The following PPM1A variants were observed in gnomAD, a reference collection of about 807,000 sequenced individuals.
The protein encoded by PPM1A is protein phosphatase 1A.
A neutral mutation model predicts 35.0 loss-of-function variants in PPM1A; 7 were observed. The ratio of observed to expected loss-of-function variants is 0.20; its 90% CI spans 0.11 to 0.38. The LOEUF (loss-of-function observed/expected upper bound fraction) is 0.38, where lower values mean the gene tolerates loss of function less well. PPM1A is among the 10% of genes least tolerant of loss of function. PPM1A has a pLI of 1.00. For missense variants in PPM1A, 239 were observed against 467.8 expected (o/e 0.51, Z 4.51); for synonymous variants, 153 against 167.3 (o/e 0.91, Z 0.66).
chr14:60,276,911 G>A (rs2139488912), intron 1 of PPM1A: 1 of 373,900 alleles, frequency 2.7e-6, no homozygotes, highest in African/African-American at 2.2e-5. Context: ...GAATTTTTCA[G>A]TTTAGGGATT....
chr14:60,267,499 T>C (rs1884529448), intron 1 of PPM1A, among the ~76,000 whole-genome samples: 1 of 152,124 alleles, frequency 6.6e-6, no homozygotes, highest in African/African-American at 2.4e-5. Flanking sequence ...TTAATAAGTA[T>C]GTTTGGACTA....
rs1882097704 is a variant in PPM1A, at chr14:60,249,711, C to T, written c.-21+34C>T. 2 of 981,184 alleles carry T rather than the reference C, an allele frequency of 2.0e-6. No individual in the cohort carries two copies. The highest frequency in any genetic ancestry group is 9.1e-5 in the South Asian group (2 of 21,926). The allele number at this position is 981,184 out of a possible 1,614,324, so 60.8% of individuals were successfully genotyped here. A position where few individuals can be genotyped will look rare whatever the true frequency, so the allele number is the denominator to read the frequency against. On this transcript the variant is annotated intron_variant, in intron 1 of 5. Transcript: ENST00000395076. The surrounding 1 kb of genome is among the most constrained non-coding windows in gnomAD (Gnocchi z 4.5). ...GGCGCTCGGGCCGACGGCGGGCTGG[C>T]GGGCGGTGCGGGCCTGCGCGGCGGC...
At chr14:60,270,700 AT>A (rs1884976186) in intron 1 of PPM1A, among the ~76,000 whole-genome samples, 1 of 120,666 alleles carries the variant, frequency 8.3e-6, no homozygotes, top group Non-Finnish European at 1.7e-5. Flanking sequence ...GTCTTTCTTG[AT>A]TTTTCTCGAT....
chr14:60,256,500 A>G (rs190729792), intron 1 of PPM1A, among the ~76,000 whole-genome samples: 88 of 152,354 alleles, frequency 5.8e-4, no homozygotes, highest in South Asian at 2.1e-4. Flanking sequence ...ATAATTTCAT[A>G]TAGTCAGTCA....
At chr14:60,288,152 A>T (rs1181365390) in intron 3 of PPM1A, 2 of 985,196 alleles carry the variant, frequency 2.0e-6, no homozygotes, top group Non-Finnish European at 2.4e-6. Flanking sequence ...CACGTGGAAC[A>T]GGAGATATTA....
chr14:60,263,338 C>T (rs927802351), intron 1 of PPM1A, among the ~76,000 whole-genome samples: 1 of 152,100 alleles, frequency 6.6e-6, no homozygotes, highest in Non-Finnish European at 1.5e-5. Flanking sequence ...TTTTTATCTT[C>T]CCCTTTCCCT....
At chr14:60,267,489 TTAA>T (rs1233886278) in intron 1 of PPM1A, among the ~76,000 whole-genome samples, 1 of 152,124 alleles carries the variant, frequency 6.6e-6, no homozygotes, top group Non-Finnish European at 1.5e-5. Context: ...GGCATCTGTA[TTAA>T]TAAGTATGTT....
At chr14:60,254,806 T>A (rs956225382) in intron 1 of PPM1A, among the ~76,000 whole-genome samples, 1 of 152,230 alleles carries the variant, frequency 6.6e-6, no homozygotes, top group Non-Finnish European at 1.5e-5. Flanking sequence ...TTTTTCATTA[T>A]ATCATTTCTC....
intron 1 of PPM1A, among the ~76,000 whole-genome samples, chr14:60,275,350 C>A (rs1164858954): frequency 6.6e-6 from 1 of 151,888 alleles, no homozygotes; most frequent in Non-Finnish European, 1.5e-5. Context: ...AGCTTTGTAA[C>A]CTTGGGCAAG....
intron 1 of PPM1A, among the ~76,000 whole-genome samples, chr14:60,258,534 T>C: frequency 6.6e-6 from 1 of 152,148 alleles, no homozygotes; most frequent in East Asian, 1.9e-4. Flanking sequence ...TGATAAACTT[T>C]TTAAAGTCAT....
intron 1 of PPM1A, among the ~76,000 whole-genome samples, chr14:60,263,759 A>G (rs1884047366): frequency 6.6e-6 from 1 of 152,072 alleles, no homozygotes; most frequent in Non-Finnish European, 1.5e-5. Context: ...TTAGTTTTCA[A>G]AAAATACCTT....
At chr14:60,265,362 C>T (rs1884252565) in intron 1 of PPM1A, among the ~76,000 whole-genome samples, 1 of 152,172 alleles carries the variant, frequency 6.6e-6, no homozygotes, top group Non-Finnish European at 1.5e-5. Context: ...CCCAGCCATG[C>T]ATGGGTACCT....
rs890742671 is a variant in PPM1A at position 60,292,094 on chromosome 14, T to C, written c.1120-359T>C. ...TTATGAAGCTTCCTCACATATTGAG[T>C]TCTTAATCTTTTCTGATGCATTAAA... On this transcript the variant is annotated intron_variant, in intron 5 of 5. Transcript: ENST00000395076. The surrounding 1 kb of genome is among the most constrained non-coding windows in gnomAD (Gnocchi z 4.2). Among the ~76,000 whole-genome samples, 5 of 152,110 alleles carry C rather than the reference T, an allele frequency of 3.3e-5. No individual in the cohort carries two copies. Among genetic ancestry groups the C allele is most frequent in the African/African-American group, 1.2e-4 (5 of 41,432 alleles).
chr14:60,260,781 C>G (rs1883661083), intron 1 of PPM1A, among the ~76,000 whole-genome samples: 1 of 152,062 alleles, frequency 6.6e-6, no homozygotes, highest in Non-Finnish European at 1.5e-5. Context: ...ATACAGGTAA[C>G]TTTTTATTAG....
chr14:60,266,449 T>A (rs905417491), intron 1 of PPM1A, among the ~76,000 whole-genome samples: 5 of 152,208 alleles, frequency 3.3e-5, no homozygotes, highest in Middle Eastern at 3.2e-3. Flanking sequence ...TACCATAAGA[T>A]TACAGAAATA....
upstream of PPM1A, chr14:60,245,789 A>G: frequency 6.9e-7 from 1 of 1,450,522 alleles, no homozygotes; most frequent in Non-Finnish European, 9.2e-7. The surrounding 1 kb of genome is among the most constrained non-coding windows in gnomAD (Gnocchi z 4.2). Context: ...AAGGAGGGCC[A>G]GGGTAGGGGG....
At chr14:60,288,401 T>TTA in intron 3 of PPM1A, 1 of 984,426 alleles carries the variant, frequency 1.0e-6, no homozygotes, top group South Asian at 4.7e-5. Flanking sequence ...GGAGACTGTA[T>TTA]GTTAAGTGTA....
Position 60,255,613 on chromosome 14 carries a change from G to GTT in PPM1A, c.-21+5937_-21+5938insTT, listed in dbSNP as rs574808791. ...TGGATAGTAGACATTCAGATATTTG[G>GTT]TAAGTATTAAGCAAAATCTACCTGG... On this transcript the variant is annotated intron_variant, in intron 1 of 5. Coordinates refer to ENST00000395076, the MANE Select transcript of PPM1A (RefSeq NM_021003.5). Among the ~76,000 whole-genome samples the GTT allele has an allele frequency of 1.6e-4, 25 of 152,340 alleles. No homozygotes were observed. In the East Asian group the frequency reaches 4.2e-3, roughly 26 times the overall value.
rs541057702 is a variant in PPM1A at position 60,297,882 on chromosome 14, G to A, written c.*5400G>A. The A allele has an allele frequency of 6.6e-6, 1 of 151,594 alleles. No individual in the cohort carries two copies. The highest frequency in any genetic ancestry group is 2.1e-4 in the South Asian group (1 of 4,802). The allele number at this position is 151,594 out of a possible 1,614,324, so 9.4% of individuals were successfully genotyped here. A position where few individuals can be genotyped will look rare whatever the true frequency, so the allele number is the denominator to read the frequency against. On this transcript the variant is annotated 3_prime_UTR_variant, in exon 6 of 6. Coordinates refer to ENST00000395076, the MANE Select transcript of PPM1A (RefSeq NM_021003.5). ...CCCTAAAGTTTACAATATTGTAGTGGTTCATGGGCCCCCTGGTTAAGAGCC... is the reference window on the plus strand; with the variant it reads ...CCCTAAAGTTTACAATATTGTAGTGATTCATGGGCCCCCTGGTTAAGAGCC...
Sources: allele counts gnomAD v4.1 joint callset (sites outside exome capture counted in the v4.1 genomes callset), GRCh38; gene constraint gnomAD v4.1.1; non-coding constraint Gnocchi (gnomAD v3.1); transcripts MANE v1.5; gene names NCBI Gene and HGNC (gene_info 2026-07-23, HGNC 2026-07-21).